ABCC4: variants seen among roughly 807,000 people sequenced by gnomAD.
ABCC4 encodes the protein ATP binding cassette subfamily C member 4 (PEL blood group).
A neutral mutation model predicts 168.5 loss-of-function variants in ABCC4; 102 were observed. The ratio of observed to expected loss-of-function variants is 0.61; its 90% confidence interval spans 0.52 to 0.71. The LOEUF is 0.71. ABCC4 is among the 30% of genes least tolerant of loss of function. The probability of loss-of-function intolerance (pLI) is 0.00; values close to 1 mark genes in which losing one functional copy is unlikely to be tolerated. For missense variants in ABCC4, 1,402 were observed against 1,605.8 expected (o/e 0.87, Z 2.17); for synonymous variants, 617 against 590.7 (o/e 1.04, Z -0.65).
chr13:95,141,449 A>G (rs565346549), intron 19 of ABCC4, among the ~76,000 whole-genome samples: 72 of 152,346 alleles, frequency 4.7e-4, no homozygotes, highest in African/African-American at 1.6e-3. Context: ...AAAGAATTTA[A>G]GAATCCTCTG....
At chr13:95,167,177 CATAA>C (rs57260755) in intron 14 of ABCC4, among the ~76,000 whole-genome samples, 2,876 of 143,392 alleles carry the variant, frequency 0.02, 92 homozygotes, top group African/African-American at 0.065. Flanking sequence ...AACTCCATCT[CATAA>C]ATAAATAAAT....
chr13:95,283,321 G>A (rs2041175202), intron 1 of ABCC4, among the ~76,000 whole-genome samples: 1 of 149,816 alleles, frequency 6.7e-6, no homozygotes, highest in Non-Finnish European at 1.5e-5. Context: ...GGCTGCTGCT[G>A]ATGCTGCTAA....
At chr13:95,178,155 T>C in intron 11 of ABCC4, 64 bp from the exon 12 acceptor site, 2 of 1,449,816 alleles carry the variant, frequency 1.4e-6, no homozygotes, top group Non-Finnish European at 1.9e-6. Context: ...CTCTGTTCTT[T>C]GTGTTCTTCC....
intron 19 of ABCC4, among the ~76,000 whole-genome samples, chr13:95,126,731 A>G (rs2035778316): frequency 1.2e-5 from 1 of 82,524 alleles, no homozygotes; most frequent in African/African-American, 5.7e-5. Flanking sequence ...ATATATATAT[A>G]TATATATATA....
At chr13:95,026,404 G>A (rs2031546994) in intron 30 of ABCC4, among the ~76,000 whole-genome samples, 1 of 152,060 alleles carries the variant, frequency 6.6e-6, no homozygotes, top group African/African-American at 2.4e-5. Context: ...GGAGAAAATA[G>A]CTTTACAAAA....
intron 30 of ABCC4, among the ~76,000 whole-genome samples, chr13:95,022,282 A>G (rs1343841660): frequency 6.6e-6 from 1 of 152,200 alleles, no homozygotes; most frequent in Non-Finnish European, 1.5e-5. Context: ...TGACTCAACC[A>G]AGCAACTTCT....
At chr13:95,116,438 A>G (rs1046231368) in intron 19 of ABCC4, among the ~76,000 whole-genome samples, 1 of 152,210 alleles carries the variant, frequency 6.6e-6, no homozygotes, top group African/African-American at 2.4e-5. Context: ...TTATATAAAC[A>G]TAATGATAAC....
rs536710140 is a variant in ABCC4 at position 95,122,889 on chromosome 13, A to G, written c.2456-6888T>C. Among the ~76,000 whole-genome samples, 3 of 152,370 alleles carry G rather than the reference A, an allele frequency of 2.0e-5. No homozygotes were observed. The South Asian group carries it at 6.2e-4, about 32-fold the overall frequency. On this transcript the variant is annotated intron_variant, in intron 19 of 30. Coordinates refer to ENST00000645237, the MANE Select transcript of ABCC4 (RefSeq NM_005845.5). ...AAAACTTAGCCGGGCATGGAGGCAC[A>G]TGCCTGTAGTCCCAGGACTGTGTTG... is the stretch of plus-strand genomic sequence containing the variant.
intron 14 of ABCC4, among the ~76,000 whole-genome samples, chr13:95,169,939 C>G (rs1010661835): frequency 5.3e-5 from 8 of 152,204 alleles, no homozygotes; most frequent in African/African-American, 1.9e-4. Context: ...TCACTACAAC[C>G]TCCGCCTCCC....
intron 11 of ABCC4, among the ~76,000 whole-genome samples, chr13:95,183,879 A>G (rs1392168304): frequency 6.6e-6 from 1 of 151,826 alleles, no homozygotes; most frequent in Non-Finnish European, 1.5e-5. Context: ...ACACCATTAG[A>G]CTCCAGCCTG....
At chr13:95,138,658 TA>T (rs371922697) in intron 19 of ABCC4, among the ~76,000 whole-genome samples, 49 of 148,822 alleles carry the variant, frequency 3.3e-4, no homozygotes, top group African/African-American at 9.6e-4. Context: ...ATCCTGATTC[TA>T]AAAAAAAAAG....
intron 20 of ABCC4, among the ~76,000 whole-genome samples, chr13:95,092,248 G>A (rs1566409419): frequency 6.6e-6 from 1 of 152,132 alleles, no homozygotes; most frequent in Non-Finnish European, 1.5e-5. Context: ...GCACTAGACA[G>A]ATCATTAAGA....
intron 13 of ABCC4, among the ~76,000 whole-genome samples, chr13:95,171,395 CAA>C (rs11350759): frequency 2.0e-4 from 29 of 148,082 alleles, no homozygotes; most frequent in Non-Finnish European, 1.9e-4. Context: ...CTGGGAGCTA[CAA>C]AAAAAAAAAA....
intron 19 of ABCC4, among the ~76,000 whole-genome samples, chr13:95,142,721 C>T (rs1335701707): frequency 1.3e-5 from 2 of 152,134 alleles, no homozygotes; most frequent in African/African-American, 2.4e-5. Context: ...ATCTTATCAT[C>T]ATACTACTTG....
chr13:95,072,962 TA>T (rs1301443007), intron 24 of ABCC4, among the ~76,000 whole-genome samples: 1 of 152,300 alleles, frequency 6.6e-6, no homozygotes, highest in Admixed American at 6.5e-5. Flanking sequence ...CAGAGACATT[TA>T]TTACATCTGA....
chr13:95,290,106 A>AGATAGATAGACAGAT (rs2041356166), intron 1 of ABCC4, among the ~76,000 whole-genome samples: 4 of 74,572 alleles, frequency 5.4e-5, no homozygotes, highest in Non-Finnish European at 1.2e-4. Context: ...CAAAAAAAAT[A>AGATAGATAGACAGAT]GATAGATAGA....
intron 26 of ABCC4, among the ~76,000 whole-genome samples, chr13:95,053,404 T>C (rs1370317422): frequency 6.6e-6 from 1 of 152,216 alleles, no homozygotes; most frequent in Non-Finnish European, 1.5e-5. Context: ...AACAAAACTG[T>C]TGCAATGTGC....
At chr13:95,212,172 C>CAAAAAAAA (rs61656577) in intron 4 of ABCC4, among the ~76,000 whole-genome samples, 1 of 123,172 alleles carries the variant, frequency 8.1e-6, no homozygotes. Flanking sequence ...GAGACTGTCT[C>CAAAAAAAA]AAAAAAAAAA....
intron 19 of ABCC4, 75 bp from the exon 20 acceptor site, chr13:95,116,076 C>G (rs1052270669): frequency 9.1e-7 from 1 of 1,097,102 alleles, no homozygotes; most frequent in Non-Finnish European, 1.3e-6. Context: ...GCAAACAAAT[C>G]AAAACAATAT....
Sources: gnomAD v4.1 joint callset for allele counts (sites outside exome capture counted in the v4.1 genomes callset) on GRCh38, gnomAD v4.1.1 for gene constraint, MANE v1.5 for transcripts, NCBI Gene and HGNC (gene_info 2026-07-23, HGNC 2026-07-21) for gene names.